SGCD: variants seen among roughly 807,000 people sequenced by gnomAD.
The protein encoded by SGCD is sarcoglycan delta, also known as delta-sarcoglycan.
A neutral mutation model predicts 36.6 loss-of-function variants in SGCD; 18 were observed. That is an observed-to-expected ratio of 0.49 (90% CI 0.34 to 0.73). SGCD has a LOEUF of 0.73. Ranked by LOEUF, SGCD falls within the 30% of genes least tolerant of loss-of-function variation. The probability of loss-of-function intolerance (pLI) is 0.01; values close to 1 mark genes in which losing one functional copy is unlikely to be tolerated. For synonymous variants in SGCD, 133 were observed against 130.6 expected (o/e 1.02, Z -0.12); for missense variants, 387 against 346.7 (o/e 1.12, Z -0.92).
At chr5:156,622,310 G>A (rs1762279775) in intron 6 of SGCD, among the ~76,000 whole-genome samples, 1 of 151,688 alleles carries the variant, frequency 6.6e-6, no homozygotes, top group South Asian at 2.1e-4. Flanking sequence ...GTGGGCGCCT[G>A]TAATCTCGGC....
At chr5:155,907,730 T>C (rs1756548929) in intron 1 of SGCD, among the ~76,000 whole-genome samples, 1 of 152,172 alleles carries the variant, frequency 6.6e-6, no homozygotes, top group Admixed American at 6.6e-5. Context: ...AAGTGGTTCC[T>C]TGAAATGGAG....
intron 1 of SGCD, among the ~76,000 whole-genome samples, chr5:156,071,940 C>A (rs1760580760): frequency 1.3e-5 from 2 of 151,992 alleles, no homozygotes; most frequent in South Asian, 4.2e-4. Context: ...TTATCAGAGA[C>A]TAGGATTGCA....
intron 4 of SGCD, among the ~76,000 whole-genome samples, chr5:156,519,024 A>C (rs935341431): frequency 2.0e-5 from 3 of 152,148 alleles, no homozygotes; most frequent in Admixed American, 6.6e-5. Context: ...GGAGTTGGAG[A>C]CACAAAAAAA....
At chr5:156,475,047 G>A (rs553975307) in intron 3 of SGCD, among the ~76,000 whole-genome samples, 1 of 152,116 alleles carries the variant, frequency 6.6e-6, no homozygotes, top group South Asian at 2.1e-4. Context: ...ATAGCTATTA[G>A]CCATTATTCT....
At chr5:155,927,053 A>C in intron 1 of SGCD, among the ~76,000 whole-genome samples, 1 of 152,198 alleles carries the variant, frequency 6.6e-6, no homozygotes, top group Non-Finnish European at 1.5e-5. Context: ...AGAGTTATCC[A>C]GTCCACAATG....
intron 7 of SGCD, among the ~76,000 whole-genome samples, chr5:156,723,230 G>A (rs1163087934): frequency 6.6e-6 from 1 of 152,110 alleles, no homozygotes; most frequent in African/African-American, 2.4e-5. Flanking sequence ...ATGAGGGAGA[G>A]TTGCTCACCC....
chr5:156,232,702 G>A (rs1765050027), intron 3 of SGCD, among the ~76,000 whole-genome samples: 1 of 152,190 alleles, frequency 6.6e-6, no homozygotes, highest in Non-Finnish European at 1.5e-5. Flanking sequence ...GTATATTAGT[G>A]TGTCTATTAG....
chr5:156,426,537 C>A (rs1318051409), intron 3 of SGCD, among the ~76,000 whole-genome samples: 1 of 151,962 alleles, frequency 6.6e-6, no homozygotes, highest in Non-Finnish European at 1.5e-5. Flanking sequence ...CTGATTATTT[C>A]TTTTGCTGTG....
intron 7 of SGCD, among the ~76,000 whole-genome samples, chr5:156,702,943 A>G (rs1754583399): frequency 6.6e-6 from 1 of 152,212 alleles, no homozygotes. Context: ...AAAAGCCAGT[A>G]AAGTTACTGC....
chr5:156,156,261 A>G (rs1762961102), intron 3 of SGCD, among the ~76,000 whole-genome samples: 1 of 151,580 alleles, frequency 6.6e-6, no homozygotes, highest in Non-Finnish European at 1.5e-5. Flanking sequence ...GTCAGACTAG[A>G]ACTAAGGCTT....
At chr5:156,333,102 A>G (rs1326855198) in intron 2 of SGCD, among the ~76,000 whole-genome samples, 1 of 152,224 alleles carries the variant, frequency 6.6e-6, no homozygotes, top group Non-Finnish European at 1.5e-5. Context: ...CGAGATGAGC[A>G]TTTCCTTTCC....
the SGCD span, among the ~76,000 whole-genome samples, chr5:155,830,942 C>A: frequency 6.6e-6 from 1 of 152,222 alleles, no homozygotes; most frequent in South Asian, 2.1e-4. Context: ...TGATATGCAC[C>A]AGGCATTCTT....
At chr5:156,345,291 A>T (rs1387412266) in intron 3 of SGCD, among the ~76,000 whole-genome samples, 1 of 151,692 alleles carries the variant, frequency 6.6e-6, no homozygotes, top group African/African-American at 2.4e-5. Flanking sequence ...AACTTTTGCT[A>T]TTGGTGTTTG....
At chr5:156,256,520 A>G (rs949671318) in intron 3 of SGCD, among the ~76,000 whole-genome samples, 1 of 152,180 alleles carries the variant, frequency 6.6e-6, no homozygotes, top group Non-Finnish European at 1.5e-5. Context: ...ATTGTCTAGT[A>G]TCATTACATT....
intron 3 of SGCD, among the ~76,000 whole-genome samples, chr5:156,293,118 G>A (rs529458886): frequency 1.7e-4 from 26 of 151,736 alleles, no homozygotes; most frequent in Non-Finnish European, 3.7e-4. Flanking sequence ...GAAGTGCAGT[G>A]GCTATTCAGA....
At chr5:156,217,568 A>G (rs1002663198) in intron 3 of SGCD, among the ~76,000 whole-genome samples, 2 of 152,214 alleles carry the variant, frequency 1.3e-5, no homozygotes, top group African/African-American at 4.8e-5. Context: ...TTTCAACTGT[A>G]CTATTTTTAC....
chr5:156,198,525 C>T (rs374904706), intron 3 of SGCD, among the ~76,000 whole-genome samples: 2 of 152,176 alleles, frequency 1.3e-5, no homozygotes, highest in Non-Finnish European at 1.5e-5. Context: ...ACTTAGTGAG[C>T]GAGTAGTTGG....
intron 4 of SGCD, among the ~76,000 whole-genome samples, chr5:156,511,609 C>T (rs1253440609): frequency 2.6e-5 from 4 of 152,180 alleles, no homozygotes; most frequent in African/African-American, 9.6e-5. Flanking sequence ...GCTCAGATGT[C>T]ACCTGTTTAG....
chr5:156,120,004 T>C (rs1173011949), intron 2 of SGCD, among the ~76,000 whole-genome samples: 1 of 152,216 alleles, frequency 6.6e-6, no homozygotes, highest in African/African-American at 2.4e-5. Context: ...ACATATGTTG[T>C]TCTTTCTTGA....
Sources: allele counts gnomAD v4.1 joint callset (sites outside exome capture counted in the v4.1 genomes callset), GRCh38; gene constraint gnomAD v4.1.1; transcripts MANE v1.5; gene names NCBI Gene and HGNC (gene_info 2026-07-23, HGNC 2026-07-21).